Variants in FOXJ3 observed in about 807,000 individuals in gnomAD.
The protein encoded by FOXJ3 is forkhead box J3, also known as forkhead box protein J3.
A neutral mutation model predicts 76.1 loss-of-function variants in FOXJ3; 22 were observed. That is an observed-to-expected ratio of 0.29 (90% CI 0.21 to 0.41). The LOEUF is 0.41. Ranked by LOEUF, FOXJ3 falls within the 10% of genes least tolerant of loss-of-function variation. The pLI is 1.00. For missense variants in FOXJ3, 613 were observed against 762.1 expected, an observed-to-expected ratio of 0.80 and a Z score of 2.30; for synonymous variants, 269 against 261.2, an observed-to-expected ratio of 1.03 and a Z score of -0.29.
chr1:42,281,200 T>TA (rs3835689), intron 2 of FOXJ3, among the ~76,000 whole-genome samples: 106,975 of 151,820 alleles, frequency 0.7, 38,306 homozygotes, highest in Admixed American at 0.8. Context: ...TATGTTACAG[T>TA]AAAAAATAAA....
In FOXJ3 at chr1:42,178,320, T is replaced by C. The variant is rs1269697625; in HGVS notation, c.*1390A>G. On this transcript the variant is annotated 3_prime_UTR_variant, in exon 13 of 13. Transcript: ENST00000361346. ...CTGCTTTAGAAACCCTGCCCTGCTG[T>C]TGTTGCCCAAATGAAATCTGATTCA... 1.3e-5 allele frequency: 2 copies of C among 152,042 alleles called. No individual in the cohort carries two copies. Among genetic ancestry groups the C allele is most frequent in the African/African-American group, 4.8e-5 (2 of 41,286 alleles). The allele number at this position is 152,042 out of a possible 1,614,324, so 9.4% of individuals were successfully genotyped here.
At chr1:42,236,238 G>T (rs1176986153) in intron 4 of FOXJ3, among the ~76,000 whole-genome samples, 1 of 152,120 alleles carries the variant, frequency 6.6e-6, no homozygotes, top group Non-Finnish European at 1.5e-5. Context: ...GCCAACACTG[G>T]AACACAGTGG....
chr1:42,330,118 T>C (rs1380301244), intron 1 of FOXJ3, among the ~76,000 whole-genome samples: 1 of 152,186 alleles, frequency 6.6e-6, no homozygotes, highest in Non-Finnish European at 1.5e-5. Flanking sequence ...ATAAAATTTA[T>C]AAAATATTAA....
At chr1:42,211,073 G>A (rs1418047580) in intron 5 of FOXJ3, among the ~76,000 whole-genome samples, 4 of 152,172 alleles carry the variant, frequency 2.6e-5, no homozygotes, top group Non-Finnish European at 4.4e-5. Context: ...TAGGCTCAGT[G>A]GGGAAAGTTT....
chr1:42,185,623 C>T (rs1646420004), intron 11 of FOXJ3, among the ~76,000 whole-genome samples: 1 of 151,950 alleles, frequency 6.6e-6, no homozygotes. Flanking sequence ...TTCTCAGTGC[C>T]CAATACAAAG....
At chr1:42,280,780 G>GTAAA (rs1652651627) in intron 2 of FOXJ3, among the ~76,000 whole-genome samples, 1 of 152,158 alleles carries the variant, frequency 6.6e-6, no homozygotes, top group African/African-American at 2.4e-5. Flanking sequence ...CCTCACTGAT[G>GTAAA]TAAAGTATTC....
intron 5 of FOXJ3, among the ~76,000 whole-genome samples, chr1:42,212,976 A>C (rs984513597): frequency 1.3e-5 from 2 of 151,040 alleles, no homozygotes; most frequent in South Asian, 2.1e-4. Context: ...AAAAAACAAA[A>C]AAAAAACTAA....
rs1381521457 is a variant in FOXJ3, at chr1:42,178,771, C to T, written c.*939G>A. 1 of 152,630 alleles carries T rather than the reference C, an allele frequency of 6.6e-6. No homozygotes were observed. The highest frequency in any genetic ancestry group is 1.5e-5 in the Non-Finnish European group (1 of 68,084). The allele number at this position is 152,630 out of a possible 1,614,324, so 9.5% of individuals were successfully genotyped here. On this transcript the variant is annotated 3_prime_UTR_variant, in exon 13 of 13. Coordinates refer to ENST00000361346, the MANE Select transcript of FOXJ3 (RefSeq NM_014947.5). ...CTGCACTCCAGCCTGGGCAACAGGG[C>T]AAGACTCCATCTCAAAAAAAGAAAA...
chr1:42,278,262 C>A, intron 3 of FOXJ3, 86 bp downstream of exon 3: 1 of 993,206 alleles, frequency 1.0e-6, no homozygotes. Flanking sequence ...TATTCAATTA[C>A]ATGAGCATTC....
intron 4 of FOXJ3, among the ~76,000 whole-genome samples, chr1:42,250,798 C>CAA (rs61431089): frequency 0.01 from 230 of 22,782 alleles, no homozygotes; most frequent in African/African-American, 0.012. Flanking sequence ...AACTCCATCT[C>CAA]AAAAAAAAAA....
chr1:42,231,848 A>T (rs1392378854), intron 4 of FOXJ3, among the ~76,000 whole-genome samples: 2 of 152,122 alleles, frequency 1.3e-5, no homozygotes, highest in Admixed American at 6.5e-5. Flanking sequence ...CATGTGCACA[A>T]CGTGCATGTT....
chr1:42,191,051 T>C (rs1462080543), intron 9 of FOXJ3, among the ~76,000 whole-genome samples: 1 of 85,240 alleles, frequency 1.2e-5, no homozygotes, highest in East Asian at 3.3e-4. Flanking sequence ...TAAGATAATG[T>C]ATCTAAATTA....
intron 7 of FOXJ3, among the ~76,000 whole-genome samples, chr1:42,198,526 G>A (rs187843981): frequency 1.1e-3 from 168 of 152,270 alleles, no homozygotes; most frequent in Admixed American, 4.8e-3. Context: ...CAGGTAGTTT[G>A]AAAAGAAATA....
At chr1:42,291,880 A>G (rs1030835291) in intron 2 of FOXJ3, among the ~76,000 whole-genome samples, 2 of 152,152 alleles carry the variant, frequency 1.3e-5, no homozygotes, top group African/African-American at 4.8e-5. Flanking sequence ...TAAAGGGCGA[A>G]AGACTTGAAC....
intron 2 of FOXJ3, among the ~76,000 whole-genome samples, chr1:42,298,577 C>T (rs1233817139): frequency 6.6e-6 from 1 of 152,046 alleles, no homozygotes. Context: ...ACTTAGCTAG[C>T]AGGCTGTCAA....
rs576875896 is a variant in FOXJ3 at position 42,270,638 on chromosome 1, T to C, written c.370-5449A>G. ...GGAGAGGCAGAAATAATTAGGTGAT[T>C]TTTTTCAATCACCTAATCAATCAAT... On this transcript the variant is annotated intron_variant, in intron 3 of 12. Coordinates refer to ENST00000361346, the MANE Select transcript of FOXJ3 (RefSeq NM_014947.5). 7.0e-4 allele frequency among the ~76,000 whole-genome samples: 107 copies of C among 152,206 alleles called. 1 individual carries two copies. Among genetic ancestry groups the C allele is most frequent in the Middle Eastern group, 6.8e-3 (2 of 294 alleles).
At chr1:42,318,942 G>A (rs1570246993) in intron 1 of FOXJ3, among the ~76,000 whole-genome samples, 3 of 152,244 alleles carry the variant, frequency 2.0e-5, no homozygotes, top group Admixed American at 2.0e-4. Context: ...GCAAAAAAAT[G>A]AAAATAGGCC....
At chr1:42,208,141 G>C (rs774383879) in intron 5 of FOXJ3, among the ~76,000 whole-genome samples, 1 of 152,192 alleles carries the variant, frequency 6.6e-6, no homozygotes, top group Non-Finnish European at 1.5e-5. Context: ...TTAGAGATCT[G>C]TTAAGAACAT....
At chr1:42,232,641 GGCT>G (rs1174858433) in intron 4 of FOXJ3, among the ~76,000 whole-genome samples, 1 of 151,436 alleles carries the variant, frequency 6.6e-6, no homozygotes, top group Non-Finnish European at 1.5e-5. Flanking sequence ...TTTTTGATGG[GGCT>G]GTTTTTTTCT....
Sources: gnomAD v4.1 joint callset for allele counts (sites outside exome capture counted in the v4.1 genomes callset) on GRCh38, gnomAD v4.1.1 for gene constraint, MANE v1.5 for transcripts, NCBI Gene and HGNC (gene_info 2026-07-23, HGNC 2026-07-21) for gene names.